The following LTK variants were observed in gnomAD, a reference collection of about 807,000 sequenced individuals.
LTK encodes the protein leukocyte tyrosine kinase receptor.
A neutral mutation model predicts 101.5 loss-of-function variants in LTK; 117 were observed. That is an observed-to-expected ratio of 1.15 (90% CI 0.99 to 1.34). The LOEUF (loss-of-function observed/expected upper bound fraction) is 1.34, where lower values mean the gene tolerates loss of function less well. LTK is among the 40% of genes most tolerant of loss of function. LTK has a pLI of 0.00. For synonymous variants in LTK, 563 were observed against 494.2 expected, an observed-to-expected ratio of 1.14 and a Z score of -1.85; for missense variants, 1,252 against 1,164.7, an observed-to-expected ratio of 1.07 and a Z score of -1.09.
Position 41,513,107 on chromosome 15 carries a change from G to A in LTK, c.57C>T (p.Cys19=). ...VWFGAAGAIL[C]SSPGSQETFL... is the part of the protein sequence containing the mutation. ...AAGTCTCCTGGGACCCCGGGCTAGAGCAGAGAATGGCGCCTGAAAGGTGTT... is the reference window on the plus strand; with the variant it reads ...AAGTCTCCTGGGACCCCGGGCTAGAACAGAGAATGGCGCCTGAAAGGTGTT... Residue 19 remains cysteine, a synonymous_variant, in exon 2 of 20, where the codon TGC becomes TGT. Coordinates refer to ENST00000263800, the MANE Select transcript of LTK (RefSeq NM_002344.6). 1 of 1,602,982 alleles carries A rather than the reference G, an allele frequency of 6.2e-7. No homozygotes were observed. The highest frequency in any genetic ancestry group is 2.2e-5 in the East Asian group (1 of 44,490).
chr15:41,513,686 C>T lies in LTK; in HGVS notation c.24G>A (p.Leu8=). 3 of 1,612,948 alleles carry T rather than the reference C, an allele frequency of 1.9e-6. No individual in the cohort carries two copies. Among genetic ancestry groups the T allele is most frequent in the Non-Finnish European group, 2.5e-6 (3 of 1,179,618 alleles). The stretch of plus-strand genomic sequence containing the variant: ...ACTTACCCGCGGCTCCGAACCACAC[C>T]AGCAGCTGTCCCCAGCAGCCCATCC... MGCWGQL[L]VWFGAAGAIL... Residue 8 remains leucine, a synonymous_variant, in exon 1 of 20, where the codon CTG becomes CTA. Coordinates refer to ENST00000263800, the MANE Select transcript of LTK (RefSeq NM_002344.6).
chr15:41,512,372 C>T, intron 3 of LTK, 107 bp from the exon 4 acceptor site: 33 of 978,004 alleles, frequency 3.4e-5, no homozygotes, highest in Non-Finnish European at 4.6e-5. Flanking sequence ...ATCTGAGGGA[C>T]TTGGAGGCTG....
Position 41,505,027 on chromosome 15 carries a change from C to T in LTK, c.1963G>A (p.Gly655Arg). The T allele has an allele frequency of 6.2e-7, 1 of 1,613,590 alleles. No individual in the cohort carries two copies. Among genetic ancestry groups the T allele is most frequent in the Non-Finnish European group, 8.5e-7 (1 of 1,179,704 alleles). Residue 655 changes from glycine (G) to arginine (R), a missense_variant, in exon 16 of 20, where the codon GGA (glycine) becomes AGA (arginine). By Grantham distance (125) the Gly-to-Arg change is moderately radical. Coordinates refer to ENST00000263800, the MANE Select transcript of LTK (RefSeq NM_002344.6). Reference sequence around the variant, plus strand: ...CCAATCTTGGCCACTCGGCTGGGTCCAGCGCAGCTCAGCAGGCAGTTCCGG... The same window carrying T: ...CCAATCTTGGCCACTCGGCTGGGTCTAGCGCAGCTCAGCAGGCAGTTCCGG... ...AARNCLLSCA[G>R]PSRVAKIGDF...
At chr15:41,512,024 A>ACCCGGCACCGAGGAAAGCACGCTCC in intron 4 of LTK, 61 bp from the exon 5 acceptor site, 1 of 1,461,754 alleles carries the variant, frequency 6.8e-7, no homozygotes, top group East Asian at 2.5e-5. Context: ...TGTGCTGGTG[A>ACCCGGCACCGAGGAAAGCACGCTCC]CCCGGCACCG....
Position 41,511,732 on chromosome 15 carries a change from C to T in LTK, c.657+85G>A. ...GCCCAGCGCAGGGATAGGGGGACCC[C>T]AAGGGACGGACGGAGAGCCGGTGCG... On this transcript the variant is annotated intron_variant, in intron 5 of 19. Coordinates refer to ENST00000263800, the MANE Select transcript of LTK (RefSeq NM_002344.6). The surrounding 1 kb of genome is among the most constrained non-coding windows in gnomAD (Gnocchi z 5.9). 1 of 1,441,406 alleles carries T rather than the reference C, an allele frequency of 6.9e-7. No individual in the cohort carries two copies. The highest frequency in any genetic ancestry group is 9.0e-7 in the Non-Finnish European group (1 of 1,108,464). 89.3% of individuals were successfully genotyped at this position (1,441,406 alleles called of 1,614,324 possible). A position where few individuals can be genotyped will look rare whatever the true frequency, so the allele number is the denominator to read the frequency against.
chr15:41,513,623 G>A, intron 1 of LTK, 44 bp downstream of exon 1: 1 of 1,596,352 alleles, frequency 6.3e-7, no homozygotes, highest in Non-Finnish European at 8.6e-7. Flanking sequence ...GCCTAGGAAA[G>A]TGCCTCAGGC....
Position 41,503,809 on chromosome 15 carries a change from G to A in LTK, c.*187C>T. ...GCTGGAAGTGGCTGGGCCCTTCCCTGGGAGGCCTGGGCTGGTTTCCAGCAT... is the reference window on the plus strand; with the variant it reads ...GCTGGAAGTGGCTGGGCCCTTCCCTAGGAGGCCTGGGCTGGTTTCCAGCAT... On this transcript the variant is annotated 3_prime_UTR_variant, in exon 20 of 20. Coordinates refer to ENST00000263800, the MANE Select transcript of LTK (RefSeq NM_002344.6). 1 of 699,760 alleles carries A rather than the reference G, an allele frequency of 1.4e-6. No homozygotes were observed. The highest frequency in any genetic ancestry group is 2.7e-5 in the East Asian group (1 of 36,624). 43.3% of individuals were successfully genotyped at this position (699,760 alleles called of 1,614,324 possible).
At chr15:41,506,416 T>C (rs316619) in intron 11 of LTK, among the ~76,000 whole-genome samples, 79,870 of 151,554 alleles carry the variant, frequency 0.53, 22,431 homozygotes, top group East Asian at 0.75. Flanking sequence ...GTGATTCTCC[T>C]GCCTCAGTCT....
At position 41,509,120 on chromosome 15, in the gene LTK, G is replaced by A; in HGVS notation, c.1007C>T (p.Ala336Val). ...GGGGGYRGGD[A>V]SETDNLWADG... ...AGCCCAGAGGTTGTCAGTCTCTGAA[G>A]CGTCGCCCCCTGGAAGTGGAGAGTG... The change falls in exon 8 of 20, where the codon GCT becomes GTT. Residue 336 changes from alanine to valine, a missense_variant. Transcript: ENST00000263800. 6.2e-7 allele frequency: 1 copy of A among 1,610,752 alleles called. No individual in the cohort carries two copies. Among genetic ancestry groups the A allele is most frequent in the Non-Finnish European group, 8.5e-7 (1 of 1,176,936 alleles).
At chr15:41,512,615 C>G in intron 3 of LTK, 92 bp downstream of exon 3, 1 of 1,401,720 alleles carries the variant, frequency 7.1e-7, no homozygotes, top group South Asian at 1.5e-5. Flanking sequence ...TAGTCCAAGA[C>G]GCAAGTCGGT....
At chr15:41,510,618 C>T (rs1457385906) in intron 7 of LTK, among the ~76,000 whole-genome samples, 16 of 152,150 alleles carry the variant, frequency 1.1e-4, no homozygotes, top group African/African-American at 3.6e-4. Context: ...CCCGCCACCA[C>T]GCCCGGCTAA....
chr15:41,508,350 C>T (rs2051352923), intron 8 of LTK, 129 bp from the exon 9 acceptor site: 2 of 707,646 alleles, frequency 2.8e-6, no homozygotes, highest in East Asian at 3.2e-5. Flanking sequence ...GAGCGGATCA[C>T]CGGAGGTCAG....
Position 41,513,650 on chromosome 15 carries a change from C to T in LTK, c.43+17G>A. 1.9e-6 allele frequency: 3 copies of T among 1,612,852 alleles called. No individual in the cohort carries two copies. Among genetic ancestry groups the T allele is most frequent in the East Asian group, 2.2e-5 (1 of 44,862 alleles). ...GCCTCAGGCTGGACGGTCCCCTGAC[C>T]GCCAGATAGCACTTACCCGCGGCTC... On this transcript the variant is annotated intron_variant, in intron 1 of 19. Coordinates refer to ENST00000263800, the MANE Select transcript of LTK (RefSeq NM_002344.6).
In LTK at chr15:41,507,202, C is replaced by T. The variant is rs750857085; in HGVS notation, c.1434G>A (p.Arg478=). ...ELSKLRTSAI[R]TAPNPYYCQV... ...GGCAATAATAGGGATTGGGGGCTGT[C>T]CTGATGGCAGAGGTTCGAAGCTTGC... Residue 478 remains arginine (R), a synonymous_variant, in exon 11 of 20, where the codon AGG becomes AGA. Coordinates refer to ENST00000263800, the MANE Select transcript of LTK (RefSeq NM_002344.6). 14 of 1,613,728 alleles carry T rather than the reference C, an allele frequency of 8.7e-6. No homozygotes were observed. Among genetic ancestry groups the T allele is most frequent in the Middle Eastern group, 1.6e-4 (1 of 6,080 alleles).
At chr15:41,505,161 G>C in intron 15 of LTK, 47 bp downstream of exon 15, 1 of 1,593,212 alleles carries the variant, frequency 6.3e-7, no homozygotes, top group African/African-American at 1.3e-5. Flanking sequence ...CTGTTCCTTG[G>C]GGAGGGAGTT....
chr15:41,511,209 CG>C lies in LTK; in HGVS notation c.951del (p.Gly318AlafsTer56). ...LGWAAAGGFGGGGGACTAGGG... is the reference protein window; with the variant it reads ...LGWAAAGGFGXGGGACTAGGG... Reference sequence around the variant, plus strand: ...CCGCCCGCAGTGCAGGCCCCGCCGCCGCCCCCGAAGCCGCCGGCCGCGGCCC... The same window carrying C: ...CCGCCCGCAGTGCAGGCCCCGCCGCCCCCCCGAAGCCGCCGGCCGCGGCCC... On this transcript the variant is annotated frameshift_variant, in exon 7 of 20. Transcript: ENST00000263800. LOFTEE classifies it high-confidence loss of function. The surrounding 1 kb of genome is among the most constrained non-coding windows in gnomAD (Gnocchi z 5.9). The C allele has an allele frequency of 1.4e-6, 2 of 1,389,446 alleles. No individual in the cohort carries two copies. The highest frequency in any genetic ancestry group is 1.9e-6 in the Non-Finnish European group (2 of 1,078,188). 86.1% of individuals were successfully genotyped at this position (1,389,446 alleles called of 1,614,324 possible).
chr15:41,512,677 CT>C (rs1426186854), intron 3 of LTK, 29 bp downstream of exon 3: 16 of 1,522,706 alleles, frequency 1.1e-5, no homozygotes, highest in Non-Finnish European at 1.4e-5. Flanking sequence ...TAGCAGGTCA[CT>C]GTCCACCCTA....
chr15:41,511,126 C>T lies in LTK; in HGVS notation c.997+38G>A, dbSNP rs747207093. 9 of 1,370,222 alleles carry T rather than the reference C, an allele frequency of 6.6e-6. No individual in the cohort carries two copies. The highest frequency in any genetic ancestry group is 3.1e-5 in the Admixed American group (1 of 32,782). 84.9% of individuals were successfully genotyped at this position (1,370,222 alleles called of 1,614,324 possible). ...TTAGGTTCTAACATCACCTCACCCT[C>T]GGGCCTGCTCAGCTGCCCTCTCCAA... On this transcript the variant is annotated intron_variant, in intron 7 of 19. Coordinates refer to ENST00000263800, the MANE Select transcript of LTK (RefSeq NM_002344.6). The surrounding 1 kb of genome is among the most constrained non-coding windows in gnomAD (Gnocchi z 5.9).
At position 41,511,356 on chromosome 15, in the gene LTK, G is replaced by T; in HGVS notation, c.815-10C>A. On this transcript the variant is annotated splice_polypyrimidine_tract_variant and intron_variant, in intron 6 of 19. Coordinates refer to ENST00000263800, the MANE Select transcript of LTK (RefSeq NM_002344.6). This position sits in a 1 kb window ranked among gnomAD's most constrained non-coding sequence, Gnocchi z 5.9. ...CAGCCGCCCCCACCACCTGCAGAGCGACAGCAGGAAGGTTGGCAGCCACAC... is the reference window on the plus strand; with the variant it reads ...CAGCCGCCCCCACCACCTGCAGAGCTACAGCAGGAAGGTTGGCAGCCACAC... The T allele has an allele frequency of 1.5e-6, 2 of 1,357,806 alleles. No individual in the cohort carries two copies. The allele number at this position is 1,357,806 out of a possible 1,614,324, so 84.1% of individuals were successfully genotyped here.
Sources: gnomAD v4.1 joint callset for allele counts (sites outside exome capture counted in the v4.1 genomes callset) on GRCh38, gnomAD v4.1.1 for gene constraint, Gnocchi (gnomAD v3.1) non-coding constraint, MANE v1.5 for transcripts, NCBI Gene and HGNC (gene_info 2026-07-23, HGNC 2026-07-21) for gene names.